SPSB4: variants seen among roughly 807,000 people sequenced by gnomAD.
The protein encoded by SPSB4 is SPRY domain-containing SOCS box protein 4.
Under a neutral mutation model 20.9 loss-of-function variants are expected in SPSB4, and 21 were observed. The ratio of observed to expected loss-of-function variants is 1.01; its 90% CI spans 0.71 to 1.45. SPSB4 has a LOEUF of 1.45. Among genes scored for constraint, SPSB4 ranks in the 40% most tolerant of loss-of-function variants. The pLI is 0.00. For synonymous variants in SPSB4, 207 were observed against 183.8 expected (o/e 1.13, Z -1.02); for missense variants, 399 against 399.2 (o/e 1.00, Z 0.00).
chr3:141,106,047 T>G (rs1053522632), intron 2 of SPSB4, among the ~76,000 whole-genome samples: 1 of 152,198 alleles, frequency 6.6e-6, no homozygotes, highest in Non-Finnish European at 1.5e-5. Context: ...GACTACAATT[T>G]GGAAGTGAGA....
At chr3:141,062,711 G>T (rs919855616) in intron 1 of SPSB4, among the ~76,000 whole-genome samples, 41 of 152,196 alleles carry the variant, frequency 2.7e-4, no homozygotes, top group African/African-American at 8.9e-4. Context: ...CTATAATTTT[G>T]TGATTAATTT....
chr3:141,106,172 T>A (rs892392167), intron 2 of SPSB4, among the ~76,000 whole-genome samples: 3 of 152,232 alleles, frequency 2.0e-5, no homozygotes, highest in Non-Finnish European at 4.4e-5. Flanking sequence ...TGGGCTGGTG[T>A]CCCTGGAGAC....
At chr3:141,085,351 G>C (rs1177624958) in intron 2 of SPSB4, among the ~76,000 whole-genome samples, 1 of 152,208 alleles carries the variant, frequency 6.6e-6, no homozygotes, top group African/African-American at 2.4e-5. Context: ...GAAGCAGGCA[G>C]TGCAAGGATG....
At chr3:141,097,340 C>G (rs1938559231) in intron 2 of SPSB4, among the ~76,000 whole-genome samples, 1 of 152,248 alleles carries the variant, frequency 6.6e-6, no homozygotes, top group Non-Finnish European at 1.5e-5. Flanking sequence ...CCAAGGCTTT[C>G]AAACTACAGA....
intron 2 of SPSB4, among the ~76,000 whole-genome samples, chr3:141,123,158 G>T (rs1938996211): frequency 6.6e-6 from 1 of 152,164 alleles, no homozygotes; most frequent in South Asian, 2.1e-4. Context: ...ATCCTTAGTT[G>T]TAATACACTG....
intron 2 of SPSB4, among the ~76,000 whole-genome samples, chr3:141,067,713 C>T (rs987229700): frequency 6.6e-6 from 1 of 152,178 alleles, no homozygotes; most frequent in African/African-American, 2.4e-5. Context: ...ACGTGGCTGC[C>T]TGTCCTGAGT....
chr3:141,109,493 T>C (rs976463475), intron 2 of SPSB4, among the ~76,000 whole-genome samples: 1 of 152,036 alleles, frequency 6.6e-6, no homozygotes, highest in Non-Finnish European at 1.5e-5. Flanking sequence ...GCCAGCCAGA[T>C]CCACTTCCTT....
chr3:141,074,123 GT>G (rs1275176379), intron 2 of SPSB4, among the ~76,000 whole-genome samples: 1 of 152,226 alleles, frequency 6.6e-6, no homozygotes, highest in African/African-American at 2.4e-5. Flanking sequence ...CCACAGCATG[GT>G]CTTGTGGGAA....
At chr3:141,134,049 C>CTTTTTTTTTTTTTTTTTTTTTTTT (rs1939184001) in intron 2 of SPSB4, among the ~76,000 whole-genome samples, 15 of 63,892 alleles carry the variant, frequency 2.3e-4, no homozygotes, top group Non-Finnish European at 4.1e-4. Context: ...TTTTTTTTTT[C>CTTTTTTTTTTTTTTTTTTTTTTTT]TTTTTTCTTT....
At chr3:141,096,810 C>T (rs1679381444) in intron 2 of SPSB4, among the ~76,000 whole-genome samples, 1 of 152,092 alleles carries the variant, frequency 6.6e-6, no homozygotes, top group Non-Finnish European at 1.5e-5. Flanking sequence ...GATTTTCTTT[C>T]AGTAGTTTTT....
At chr3:141,141,667 T>C (rs184420641) in intron 2 of SPSB4, among the ~76,000 whole-genome samples, 1 of 152,332 alleles carries the variant, frequency 6.6e-6, no homozygotes, top group East Asian at 1.9e-4. Context: ...TGTGAATCCA[T>C]CTGGTCCTTG....
chr3:141,094,644 G>A (rs114774676), intron 2 of SPSB4, among the ~76,000 whole-genome samples: 7 of 152,024 alleles, frequency 4.6e-5, no homozygotes, highest in African/African-American at 7.2e-5. Flanking sequence ...CCCAAAAGTC[G>A]TGTAACAAAA....
intron 2 of SPSB4, among the ~76,000 whole-genome samples, chr3:141,075,883 C>A (rs975636475): frequency 7.8e-5 from 7 of 90,138 alleles, no homozygotes; most frequent in African/African-American, 9.1e-5. Flanking sequence ...CCTGTCTCTA[C>A]TAAAAATACA....
chr3:141,127,076 C>A (rs1295954747), intron 2 of SPSB4, among the ~76,000 whole-genome samples: 1 of 152,268 alleles, frequency 6.6e-6, no homozygotes, highest in Admixed American at 6.5e-5. Flanking sequence ...GTCCAGGACA[C>A]AAACCCCAGT....
chr3:141,147,517 G>T lies in SPSB4; in HGVS notation c.*248G>T, dbSNP rs1237151179. 3.9e-6 allele frequency: 2 copies of T among 512,224 alleles called. No homozygotes were observed. Among genetic ancestry groups the T allele is most frequent in the East Asian group, 6.7e-5 (2 of 29,950 alleles). 31.7% of individuals were successfully genotyped at this position (512,224 alleles called of 1,614,324 possible). ...CTCCTTCGGAGCCACAGAGAGCCTG[G>T]AGTCTGCACCTCCTGGAAATCCTGC... is the stretch of plus-strand genomic sequence containing the variant. On this transcript the variant is annotated 3_prime_UTR_variant, in exon 3 of 3. Coordinates refer to ENST00000310546, the MANE Select transcript of SPSB4 (RefSeq NM_080862.3).
intron 2 of SPSB4, among the ~76,000 whole-genome samples, chr3:141,094,923 T>C (rs2107793379): frequency 6.6e-6 from 1 of 151,722 alleles, no homozygotes; most frequent in South Asian, 2.1e-4. Flanking sequence ...GCTTCCCTTG[T>C]CTCCGAGACC....
In SPSB4 at chr3:141,147,250, A is replaced by C. The variant is rs1248254493; in HGVS notation, c.803A>C (p.Asn268Thr). The C allele has an allele frequency of 6.2e-7, 1 of 1,614,182 alleles. No homozygotes were observed. Among genetic ancestry groups the C allele is most frequent in the Non-Finnish European group, 8.5e-7 (1 of 1,180,030 alleles). The change falls in exon 3 of 3, where the codon AAC (asparagine) becomes ACC (threonine). Residue 268 changes from asparagine to threonine, a missense_variant. Transcript: ENST00000310546. Reference protein sequence around the residue: ...SSLPLPQSLKNYLQYQ With the variant: ...SSLPLPQSLKTYLQYQ ...CTGCCCCTGCCTCAGTCTCTCAAAA[A>C]CTATCTGCAGTACCAGTGAGCCAAG... is the stretch of plus-strand genomic sequence containing the variant.
rs1169101854 is a variant in SPSB4, at chr3:141,148,289, GTTTA to G, written c.*1026_*1029del. ...GTTTCAAATGTGTGTGTGATGTGCTGTTTATTTATCAGCTTGAGGTCCATGGGGG... is the reference window on the plus strand; with the variant it reads ...GTTTCAAATGTGTGTGTGATGTGCTGTTTATCAGCTTGAGGTCCATGGGGG... On this transcript the variant is annotated 3_prime_UTR_variant, in exon 3 of 3. Coordinates refer to ENST00000310546, the MANE Select transcript of SPSB4 (RefSeq NM_080862.3). This position sits in a 1 kb window ranked among gnomAD's most constrained non-coding sequence, Gnocchi z 4.5. 1 of 152,686 alleles carries G rather than the reference GTTTA, an allele frequency of 6.5e-6. No homozygotes were observed. Among genetic ancestry groups the G allele is most frequent in the Non-Finnish European group, 1.5e-5 (1 of 68,072 alleles). The allele number at this position is 152,686 out of a possible 1,614,324, so 9.5% of individuals were successfully genotyped here.
intron 2 of SPSB4, among the ~76,000 whole-genome samples, chr3:141,105,644 T>G (rs986713764): frequency 6.6e-6 from 1 of 151,980 alleles, no homozygotes; most frequent in Non-Finnish European, 1.5e-5. Flanking sequence ...CACGGCAGAG[T>G]TGAATTTCAA....
Sources: gnomAD v4.1 joint callset for allele counts (sites outside exome capture counted in the v4.1 genomes callset) on GRCh38, gnomAD v4.1.1 for gene constraint, Gnocchi (gnomAD v3.1) non-coding constraint, MANE v1.5 for transcripts, NCBI Gene and HGNC (gene_info 2026-07-23, HGNC 2026-07-21) for gene names.